The following SCFD2 variants were observed in gnomAD, a reference collection of about 807,000 sequenced individuals.
SCFD2 encodes the protein sec1 family domain containing 2, also known as sec1 family domain-containing protein 2.
Under a neutral mutation model 58.9 loss-of-function variants are expected in SCFD2, and 54 were observed. That is an observed-to-expected ratio of 0.92 (90% CI 0.74 to 1.15). The LOEUF (loss-of-function observed/expected upper bound fraction) is 1.15, where lower values mean the gene tolerates loss of function less well. Among genes scored for constraint, SCFD2 ranks in the 50% most tolerant of loss-of-function variants. The pLI is 0.00. For missense variants in SCFD2, 805 were observed against 836.6 expected, an observed-to-expected ratio of 0.96 and a Z score of 0.47; for synonymous variants, 321 against 335.9, an observed-to-expected ratio of 0.96 and a Z score of 0.49.
chr4:52,894,415 C>T (rs1289094693), intron 7 of SCFD2, among the ~76,000 whole-genome samples: 3 of 152,126 alleles, frequency 2.0e-5, no homozygotes, highest in Admixed American at 6.5e-5. Context: ...AAATTATTTT[C>T]AGGAGACTGA....
chr4:53,159,310 G>A lies in SCFD2; in HGVS notation c.1312-13728C>T, dbSNP rs114937571. ...CTGAGTTTGAAAAAGATTACTTGTC[G>A]AAGATATCAGCTGGTGAATGTTTGA... On this transcript the variant is annotated intron_variant, in intron 4 of 8. Transcript: ENST00000401642. Among the ~76,000 whole-genome samples, 1,446 of 152,258 alleles carry A rather than the reference G, an allele frequency of 9.5e-3. 13 individuals are homozygous for A. Among genetic ancestry groups the A allele is most frequent in the Middle Eastern group, 0.048 (14 of 294 alleles).
chr4:53,197,204 G>T (rs1728084434), intron 4 of SCFD2, among the ~76,000 whole-genome samples: 1 of 152,024 alleles, frequency 6.6e-6, no homozygotes, highest in South Asian at 2.1e-4. Context: ...AGAAACAAAA[G>T]TATGTATTAT....
Position 53,271,266 on chromosome 4 carries a change from A to G in SCFD2, c.1311+2560T>C, listed in dbSNP as rs981479205. 2.6e-5 allele frequency among the ~76,000 whole-genome samples: 4 copies of G among 151,924 alleles called. No homozygotes were observed. The South Asian group carries it at 8.3e-4, about 32-fold the overall frequency. ...AGACATATTCCAGGGTATTCACTGC[A>G]TAATTTTTCCTAATCTCACATACAT... On this transcript the variant is annotated intron_variant, in intron 4 of 8. Coordinates refer to ENST00000401642, the MANE Select transcript of SCFD2 (RefSeq NM_152540.4).
intron 4 of SCFD2, 36 bp from the exon 5 acceptor site, chr4:53,145,618 T>G (rs754613445): frequency 6.3e-7 from 1 of 1,579,002 alleles, no homozygotes; most frequent in Non-Finnish European, 8.7e-7. Context: ...ATGTCAATCT[T>G]GTATAAAGAC....
At chr4:53,208,097 C>A (rs908826206) in intron 4 of SCFD2, among the ~76,000 whole-genome samples, 1 of 151,858 alleles carries the variant, frequency 6.6e-6, no homozygotes, top group Non-Finnish European at 1.5e-5. Context: ...GCTGGGACTA[C>A]AGGTGTGCAC....
At position 53,072,577 on chromosome 4, in the gene SCFD2, G is replaced by C. The variant is rs113963041; in HGVS notation, c.1561+72756C>G. ...AACCCAGAGAATAATAAAAGATTAGGGGGGGGAAAGCCAGGTTTTCACACC... is the reference window on the plus strand; with the variant it reads ...AACCCAGAGAATAATAAAAGATTAGCGGGGGGAAAGCCAGGTTTTCACACC... On this transcript the variant is annotated intron_variant, in intron 5 of 8. Transcript: ENST00000401642. Among the ~76,000 whole-genome samples the C allele has an allele frequency of 1.3e-3, 196 of 152,064 alleles. 1 individual carries two copies. The highest frequency in any genetic ancestry group is 4.4e-3 in the African/African-American group (181 of 41,504).
intron 4 of SCFD2, among the ~76,000 whole-genome samples, chr4:53,157,065 T>A (rs1726711529): frequency 6.6e-6 from 1 of 152,238 alleles, no homozygotes; most frequent in Non-Finnish European, 1.5e-5. Context: ...AAAATTGGAA[T>A]TCTGGAAAAC....
At chr4:52,911,837 C>T (rs1008538372) in intron 6 of SCFD2, among the ~76,000 whole-genome samples, 17 of 152,198 alleles carry the variant, frequency 1.1e-4, no homozygotes, top group Non-Finnish European at 4.4e-5. Flanking sequence ...CTGAAAACCA[C>T]TTCTGTGCTT....
intron 3 of SCFD2, among the ~76,000 whole-genome samples, chr4:53,293,259 C>A (rs959264548): frequency 2.6e-5 from 4 of 152,052 alleles, no homozygotes; most frequent in African/African-American, 7.2e-5. Flanking sequence ...ACAATGAGAA[C>A]ACATGGATGC....
At chr4:52,986,413 T>C (rs1721494672) in intron 5 of SCFD2, among the ~76,000 whole-genome samples, 1 of 151,784 alleles carries the variant, frequency 6.6e-6, no homozygotes, top group Non-Finnish European at 1.5e-5. Context: ...TCTCAGCAAC[T>C]GTTGTGGGCT....
intron 5 of SCFD2, among the ~76,000 whole-genome samples, chr4:52,938,836 G>A (rs150521462): frequency 6.6e-5 from 10 of 152,218 alleles, no homozygotes; most frequent in African/African-American, 2.4e-4. Flanking sequence ...TGCTGGACTC[G>A]TCATCGGTGT....
chr4:53,097,720 C>T (rs1224760043), intron 5 of SCFD2, among the ~76,000 whole-genome samples: 2 of 152,150 alleles, frequency 1.3e-5, no homozygotes, highest in Non-Finnish European at 2.9e-5. Flanking sequence ...TTTCTCCTGC[C>T]TGATTGCCCT....
chr4:52,978,216 G>A (rs1483380162), intron 5 of SCFD2, among the ~76,000 whole-genome samples: 1 of 152,162 alleles, frequency 6.6e-6, no homozygotes, highest in African/African-American at 2.4e-5. Context: ...GAGCTTGGAG[G>A]ACAGCAGGCC....
chr4:53,210,236 G>T (rs749895782), intron 4 of SCFD2, among the ~76,000 whole-genome samples: 13 of 152,000 alleles, frequency 8.6e-5, no homozygotes, highest in Non-Finnish European at 1.8e-4. Context: ...AGTAGGGGTG[G>T]GAAAAGGGGC....
intron 4 of SCFD2, among the ~76,000 whole-genome samples, chr4:53,231,091 G>A (rs770152855): frequency 8.6e-5 from 13 of 152,006 alleles, no homozygotes; most frequent in Non-Finnish European, 1.5e-4. Context: ...ATAGGTATAT[G>A]CATAAGGGAC....
chr4:53,229,825 T>A (rs1445564575), intron 4 of SCFD2, among the ~76,000 whole-genome samples: 1 of 151,904 alleles, frequency 6.6e-6, no homozygotes. Context: ...ACCATCAGAG[T>A]GAACAGGCAA....
At chr4:52,983,565 G>A (rs1721424155) in intron 5 of SCFD2, among the ~76,000 whole-genome samples, 1 of 152,166 alleles carries the variant, frequency 6.6e-6, no homozygotes, top group South Asian at 2.1e-4. Flanking sequence ...TAAACTGCTT[G>A]AACAGCCTAC....
At chr4:53,106,479 A>C (rs1235611866) in intron 5 of SCFD2, among the ~76,000 whole-genome samples, 1 of 152,208 alleles carries the variant, frequency 6.6e-6, no homozygotes, top group Non-Finnish European at 1.5e-5. Flanking sequence ...CCTTGAAAAA[A>C]GGTTAGAGGA....
At chr4:53,324,388 A>T (rs1231638214) in intron 2 of SCFD2, among the ~76,000 whole-genome samples, 1 of 144,632 alleles carries the variant, frequency 6.9e-6, no homozygotes, top group African/African-American at 2.6e-5. Flanking sequence ...AGTTCACTTC[A>T]GCCTGGGTGA....
Sources: gnomAD v4.1 joint callset for allele counts (sites outside exome capture counted in the v4.1 genomes callset) on GRCh38, gnomAD v4.1.1 for gene constraint, MANE v1.5 for transcripts, NCBI Gene and HGNC (gene_info 2026-07-23, HGNC 2026-07-21) for gene names.